IL12RB2: variants seen among roughly 807,000 people sequenced by gnomAD.
IL12RB2 encodes interleukin 12 receptor subunit beta 2.
IL12RB2 carries 82 observed loss-of-function variants against 89.4 expected under a neutral mutation model. The observed-to-expected ratio is 0.92, with a 90% CI of 0.77 to 1.10. The LOEUF is 1.10. Ranked by LOEUF, IL12RB2 falls within the 50% of genes least tolerant of loss-of-function variation. IL12RB2 has a pLI of 0.00. For missense variants in IL12RB2, 963 were observed against 1,031.9 expected (o/e 0.93, Z 0.92); for synonymous variants, 368 against 370.1 (o/e 0.99, Z 0.07).
intron 9 of IL12RB2, among the ~76,000 whole-genome samples, chr1:67,344,118 G>A (rs143489881): frequency 6.6e-6 from 1 of 152,116 alleles, no homozygotes; most frequent in Non-Finnish European, 1.5e-5. Context: ...GCAGGGGAGT[G>A]GTGGGCAAGC....
chr1:67,310,849 C>A (rs1343910829), intron 1 of IL12RB2, among the ~76,000 whole-genome samples: 2 of 152,146 alleles, frequency 1.3e-5, no homozygotes, highest in East Asian at 3.9e-4. Flanking sequence ...CTCAGCCTCC[C>A]AAATAGCTGG....
chr1:67,354,687 A>C (rs1661196674), intron 10 of IL12RB2, among the ~76,000 whole-genome samples: 2 of 152,224 alleles, frequency 1.3e-5, no homozygotes, highest in Non-Finnish European at 2.9e-5. Context: ...GGCGAACTGC[A>C]TGGTCCTGTC....
rs779538669 is a variant in IL12RB2, at chr1:67,338,627, C to T, written c.962C>T (p.Pro321Leu). 1 of 1,443,770 alleles carries T rather than the reference C, an allele frequency of 6.9e-7. No individual in the cohort carries two copies. The highest frequency in any genetic ancestry group is 1.1e-5 in the South Asian group (1 of 87,774). The allele number at this position is 1,443,770 out of a possible 1,614,324, so 89.4% of individuals were successfully genotyped here. Residue 321 changes from proline (P) to leucine (L), a missense_variant, in exon 9 of 17, where the codon CCT (proline) becomes CTT (leucine). Pro to Leu is a moderately conservative substitution (Grantham distance 98). Coordinates refer to ENST00000674203, the MANE Select transcript of IL12RB2 (RefSeq NM_001374259.2). Reference protein sequence around the residue: ...SLRAQTPEEEPTGMLDVWYMK... With the variant: ...SLRAQTPEEELTGMLDVWYMK... ...CTTTTTTTCTCCTTTGAAACAGAGCCTACTGGGATGTTAGATGTCTGGTAC... is the reference window on the plus strand; with the variant it reads ...CTTTTTTTCTCCTTTGAAACAGAGCTTACTGGGATGTTAGATGTCTGGTAC...
At position 67,396,020 on chromosome 1, in the gene IL12RB2, C is replaced by T. The variant is rs1666338567; in HGVS notation, c.2520C>T (p.Leu840=). Residue 840 remains leucine, a synonymous_variant, in exon 17 of 17, where the codon CTC becomes CTT. Transcript: ENST00000674203. ...TCCCCTCAAGTTCTCTTCACCCACTCACCTTCTCCTGTGGTGATAAGCTGA... is the reference window on the plus strand; with the variant it reads ...TCCCCTCAAGTTCTCTTCACCCACTTACCTTCTCCTGTGGTGATAAGCTGA... ...SVFPSSSLHP[L]TFSCGDKLTL... is the part of the protein sequence containing the mutation. 1 of 1,604,592 alleles carries T rather than the reference C, an allele frequency of 6.2e-7. No homozygotes were observed. Among genetic ancestry groups the T allele is most frequent in the African/African-American group, 1.3e-5 (1 of 74,772 alleles).
chr1:67,396,333 C>T lies in IL12RB2; in HGVS notation c.*244C>T, dbSNP rs937198693. On this transcript the variant is annotated 3_prime_UTR_variant, in exon 17 of 17. Coordinates refer to ENST00000674203, the MANE Select transcript of IL12RB2 (RefSeq NM_001374259.2). Reference sequence around the variant, plus strand: ...ATCCTTCACTGTGTGGACCTAGAGACTCCAACTTGAATTCCTAGTAACTTT... The same window carrying T: ...ATCCTTCACTGTGTGGACCTAGAGATTCCAACTTGAATTCCTAGTAACTTT... 3.8e-5 allele frequency: 22 copies of T among 580,006 alleles called. No individual in the cohort carries two copies. Among genetic ancestry groups the T allele is most frequent in the Middle Eastern group, 4.6e-4 (1 of 2,162 alleles). 35.9% of individuals were successfully genotyped at this position (580,006 alleles called of 1,614,324 possible).
intron 15 of IL12RB2, among the ~76,000 whole-genome samples, chr1:67,387,429 A>G (rs4655542): frequency 0.47 from 70,802 of 151,546 alleles, 18,722 homozygotes; most frequent in Non-Finnish European, 0.58. Flanking sequence ...CAGGCCGGGC[A>G]CAATGGCTCA....
Position 67,367,999 on chromosome 1 carries a change from C to T in IL12RB2, c.1433C>T (p.Pro478Leu), listed in dbSNP as rs1312054129. 2.5e-6 allele frequency: 4 copies of T among 1,604,506 alleles called. No homozygotes were observed. Among genetic ancestry groups the T allele is most frequent in the Non-Finnish European group, 8.5e-7 (1 of 1,171,310 alleles). Reference sequence around the variant, plus strand: ...CCTCTAAACTGGCTACGGAGTCGACCCTACAATGTGTCTGCTCTGATTTCA... The same window carrying T: ...CCTCTAAACTGGCTACGGAGTCGACTCTACAATGTGTCTGCTCTGATTTCA... Reference protein sequence around the residue: ...QVPLNWLRSRPYNVSALISEN... With the variant: ...QVPLNWLRSRLYNVSALISEN... The change falls in exon 11 of 17, where the codon CCC (proline) becomes CTC (leucine). Residue 478 changes from proline to leucine, a missense_variant. By Grantham distance (98) the Pro-to-Leu change is moderately conservative (BLOSUM62 -3). Transcript: ENST00000674203.
At chr1:67,379,888 C>T (rs1664398711) in intron 13 of IL12RB2, 98 bp from the exon 14 acceptor site, 1 of 995,242 alleles carries the variant, frequency 1.0e-6, no homozygotes, top group South Asian at 1.3e-5. Flanking sequence ...TTTTTCCTTC[C>T]AAATTAAATG....
intron 14 of IL12RB2, among the ~76,000 whole-genome samples, chr1:67,381,807 A>C (rs2101079816): frequency 6.8e-6 from 1 of 147,142 alleles, no homozygotes; most frequent in Non-Finnish European, 1.5e-5. Context: ...AACTTGCTCG[A>C]TTAATGTGGA....
intron 10 of IL12RB2, among the ~76,000 whole-genome samples, chr1:67,364,068 T>C (rs1662409583): frequency 6.6e-6 from 1 of 152,198 alleles, no homozygotes; most frequent in Non-Finnish European, 1.5e-5. Flanking sequence ...GACCCAACTA[T>C]AGTTGTCTAT....
Position 67,321,630 on chromosome 1 carries a change from G to A in IL12RB2, c.105G>A (p.Val35=). ...IDACKRGDVT[V]KPSHVILLGS... is the part of the protein sequence containing the mutation. ...CGTGCAAGAGAGGCGATGTGACTGT[G>A]AAGCCTTCCCATGTAATTTTACTTG... is the stretch of plus-strand genomic sequence containing the variant. Residue 35 remains valine, a synonymous_variant, in exon 4 of 17, where the codon GTG becomes GTA. Transcript: ENST00000674203. The A allele has an allele frequency of 6.2e-7, 1 of 1,606,556 alleles. No individual in the cohort carries two copies. Among genetic ancestry groups the A allele is most frequent in the Non-Finnish European group, 8.5e-7 (1 of 1,173,270 alleles).
intron 14 of IL12RB2, among the ~76,000 whole-genome samples, chr1:67,384,337 C>G (rs1202018328): frequency 3.3e-5 from 5 of 152,266 alleles, no homozygotes; most frequent in Non-Finnish European, 7.3e-5. Flanking sequence ...AAGCAACGGC[C>G]TGAGCTGTAT....
chr1:67,395,270 GAAAA>G (rs577998192), intron 16 of IL12RB2, among the ~76,000 whole-genome samples: 3 of 126,972 alleles, frequency 2.4e-5, no homozygotes, highest in South Asian at 2.5e-4. Flanking sequence ...TTCGTCTCAA[GAAAA>G]AAAAAAAAAA....
intron 9 of IL12RB2, among the ~76,000 whole-genome samples, chr1:67,346,175 C>G (rs1485089075): frequency 6.6e-6 from 1 of 152,250 alleles, no homozygotes; most frequent in African/African-American, 2.4e-5. Context: ...GGGCAAAGTG[C>G]TTAAACTCTC....
intron 3 of IL12RB2, among the ~76,000 whole-genome samples, chr1:67,320,987 C>T (rs1002498960): frequency 1.6e-4 from 22 of 141,692 alleles, no homozygotes; most frequent in African/African-American, 5.7e-4. Flanking sequence ...GTGAGAACAT[C>T]CGCTGTTTGG....
chr1:67,335,038 T>G (rs1455032727), intron 8 of IL12RB2, among the ~76,000 whole-genome samples: 1 of 152,216 alleles, frequency 6.6e-6, no homozygotes, highest in Non-Finnish European at 1.5e-5. Context: ...CCCTAAACCC[T>G]TCTCTCCTTC....
chr1:67,383,342 G>T (rs1246342353), intron 14 of IL12RB2, among the ~76,000 whole-genome samples: 1 of 152,126 alleles, frequency 6.6e-6, no homozygotes, highest in Non-Finnish European at 1.5e-5. Context: ...TACAATTCAA[G>T]ATAAGATTTG....
Position 67,381,539 on chromosome 1 carries a change from G to A in IL12RB2, c.1855+1416G>A, listed in dbSNP as rs189445212. ...AGGACTTTGGGAGGCCGAGGAGGGC[G>A]GATCATGAGGTCAGGAGATCGAGAC... On this transcript the variant is annotated intron_variant, in intron 14 of 16. Coordinates refer to ENST00000674203, the MANE Select transcript of IL12RB2 (RefSeq NM_001374259.2). Among the ~76,000 whole-genome samples, 38 of 152,148 alleles carry A rather than the reference G, an allele frequency of 2.5e-4. No individual in the cohort carries two copies. In the East Asian group the frequency reaches 2.9e-3, roughly 12 times the overall value.
At chr1:67,340,328 T>C (rs1398344107) in intron 9 of IL12RB2, among the ~76,000 whole-genome samples, 4 of 152,196 alleles carry the variant, frequency 2.6e-5, no homozygotes, top group African/African-American at 9.7e-5. Context: ...AGCCATAATT[T>C]GTGAATATTA....
Sources: gnomAD v4.1 joint callset for allele counts (sites outside exome capture counted in the v4.1 genomes callset) on GRCh38, gnomAD v4.1.1 for gene constraint, MANE v1.5 for transcripts, NCBI Gene and HGNC (gene_info 2026-07-23, HGNC 2026-07-21) for gene names.